Variants in CNTNAP2 observed in about 807,000 individuals in gnomAD.
CNTNAP2 encodes the protein contactin associated protein 2.
CNTNAP2 carries 98 observed loss-of-function variants against 155.2 expected under a neutral mutation model. The ratio of observed to expected loss-of-function variants is 0.63; its 90% confidence interval spans 0.54 to 0.75. The LOEUF is 0.75. CNTNAP2 is among the 30% of genes least tolerant of loss of function. The probability of loss-of-function intolerance (pLI) is 0.00; values close to 1 mark genes in which losing one functional copy is unlikely to be tolerated. For synonymous variants in CNTNAP2, 651 were observed against 631.2 expected, an observed-to-expected ratio of 1.03 and a Z score of -0.47; for missense variants, 1,727 against 1,688.1, an observed-to-expected ratio of 1.02 and a Z score of -0.40.
intron 1 of CNTNAP2, among the ~76,000 whole-genome samples, chr7:146,424,812 T>C (rs966963534): frequency 6.6e-6 from 1 of 152,104 alleles, no homozygotes; most frequent in African/African-American, 2.4e-5. Context: ...AGGGAAGGGC[T>C]CAGAGAGAGT....
chr7:146,874,496 T>C (rs915554115), intron 3 of CNTNAP2, among the ~76,000 whole-genome samples: 2 of 152,066 alleles, frequency 1.3e-5, no homozygotes, highest in African/African-American at 4.8e-5. Flanking sequence ...CCTGCCATCA[T>C]GCCTGGCTAA....
chr7:146,220,821 T>C (rs565158200), intron 1 of CNTNAP2, among the ~76,000 whole-genome samples: 1 of 152,334 alleles, frequency 6.6e-6, no homozygotes, highest in South Asian at 2.1e-4. Context: ...AGTAGATCCA[T>C]CTTCTTGCAG....
intron 1 of CNTNAP2, among the ~76,000 whole-genome samples, chr7:146,309,364 T>A (rs1204792116): frequency 6.6e-6 from 1 of 152,012 alleles, no homozygotes; most frequent in Non-Finnish European, 1.5e-5. Flanking sequence ...AATGAAGCAC[T>A]CTCCAAGCAG....
rs774679618 is a variant in CNTNAP2, at chr7:146,303,071, CATGTGTGT to C, written c.97+186099_97+186106del. On this transcript the variant is annotated intron_variant, in intron 1 of 23. Coordinates refer to ENST00000361727, the MANE Select transcript of CNTNAP2 (RefSeq NM_014141.6). ...GAGAAACTAGGTACACCTTTGTGTG[CATGTGTGT>C]GTGTGTGTGTGTGTGTGTGTGTGTG... 1.1e-3 allele frequency among the ~76,000 whole-genome samples: 142 copies of C among 128,214 alleles called. 1 individual carries two copies. Among genetic ancestry groups the C allele is most frequent in the African/African-American group, 4.6e-3 (122 of 26,686 alleles). The allele number at this position is 128,214 out of a possible 152,430, so 84.1% of individuals were successfully genotyped here.
intron 21 of CNTNAP2, among the ~76,000 whole-genome samples, chr7:148,330,599 A>T: frequency 1.3e-5 from 1 of 79,650 alleles, no homozygotes; most frequent in African/African-American, 4.6e-5. Flanking sequence ...TGGACGGATG[A>T]AGTGGACGGA....
chr7:147,166,388 G>A (rs933395185), intron 8 of CNTNAP2, among the ~76,000 whole-genome samples: 10 of 152,104 alleles, frequency 6.6e-5, no homozygotes, highest in African/African-American at 1.9e-4. Context: ...TGGGGACTCC[G>A]GAGGAAGGAT....
chr7:146,939,909 A>G (rs1054815630), intron 3 of CNTNAP2, among the ~76,000 whole-genome samples: 15 of 152,078 alleles, frequency 9.9e-5, no homozygotes, highest in African/African-American at 3.4e-4. Flanking sequence ...AGTTTTTTAC[A>G]TTTTATTTTT....
chr7:147,747,934 A>G (rs928800822), intron 13 of CNTNAP2, among the ~76,000 whole-genome samples: 4 of 152,224 alleles, frequency 2.6e-5, no homozygotes, highest in Non-Finnish European at 4.4e-5. Context: ...CTTATCTTGC[A>G]CTGTGTGACC....
At chr7:147,656,449 T>G (rs1419597295) in intron 13 of CNTNAP2, among the ~76,000 whole-genome samples, 2 of 152,174 alleles carry the variant, frequency 1.3e-5, no homozygotes, top group Non-Finnish European at 2.9e-5. Context: ...CTCGAATACT[T>G]AGAGGCCATC....
chr7:147,064,135 G>A lies in CNTNAP2; in HGVS notation c.550+20081G>A, dbSNP rs182383601. Among the ~76,000 whole-genome samples, 50 of 152,254 alleles carry A rather than the reference G, an allele frequency of 3.3e-4. 1 individual carries two copies. The highest frequency in any genetic ancestry group is 1.2e-3 in the African/African-American group (48 of 41,566). On this transcript the variant is annotated intron_variant, in intron 4 of 23. Coordinates refer to ENST00000361727, the MANE Select transcript of CNTNAP2 (RefSeq NM_014141.6). ...AAGCCTTTTGAAATGGCATGTTAAAGTAGTATTAAAAGGCTGACTTACCAT... is the reference window on the plus strand; with the variant it reads ...AAGCCTTTTGAAATGGCATGTTAAAATAGTATTAAAAGGCTGACTTACCAT...
intron 1 of CNTNAP2, among the ~76,000 whole-genome samples, chr7:146,683,886 C>T (rs1402618688): frequency 1.3e-5 from 2 of 151,822 alleles, no homozygotes; most frequent in South Asian, 4.2e-4. Flanking sequence ...AGAACTGAGG[C>T]TCTTAATGAC....
At chr7:146,959,772 G>A (rs556763366) in intron 3 of CNTNAP2, among the ~76,000 whole-genome samples, 2 of 151,888 alleles carry the variant, frequency 1.3e-5, no homozygotes, top group South Asian at 4.2e-4. Flanking sequence ...ACATTTCCAG[G>A]CTGATTGTAA....
chr7:148,304,629 G>C (rs1445137638), intron 21 of CNTNAP2, among the ~76,000 whole-genome samples: 2 of 152,024 alleles, frequency 1.3e-5, no homozygotes, highest in Non-Finnish European at 2.9e-5. Flanking sequence ...GGTGTAGCTG[G>C]GTGCTGAAAA....
At chr7:146,374,731 A>C (rs958340072) in intron 1 of CNTNAP2, among the ~76,000 whole-genome samples, 1 of 152,214 alleles carries the variant, frequency 6.6e-6, no homozygotes, top group African/African-American at 2.4e-5. Flanking sequence ...ATCTTTTAAA[A>C]TCTATTTGTG....
intron 1 of CNTNAP2, among the ~76,000 whole-genome samples, chr7:146,539,620 T>A (rs1797921161): frequency 6.6e-6 from 1 of 152,092 alleles, no homozygotes; most frequent in African/African-American, 2.4e-5. Flanking sequence ...GCTGTTTGTT[T>A]TCTTTTAACC....
chr7:148,266,943 C>G (rs777388646), intron 20 of CNTNAP2, 90 bp from the exon 21 acceptor site: 9 of 1,207,282 alleles, frequency 7.5e-6, no homozygotes, highest in Admixed American at 1.7e-5. Context: ...AACCAGGGTT[C>G]AAAGAGTGAT....
intron 15 of CNTNAP2, among the ~76,000 whole-genome samples, chr7:148,060,439 A>T (rs1295442879): frequency 1.3e-5 from 2 of 152,194 alleles, no homozygotes; most frequent in Non-Finnish European, 2.9e-5. Context: ...TTGCAATTCT[A>T]AATTAGCTCT....
At chr7:146,734,712 G>A (rs1212025528) in intron 1 of CNTNAP2, among the ~76,000 whole-genome samples, 2 of 152,170 alleles carry the variant, frequency 1.3e-5, no homozygotes, top group Non-Finnish European at 2.9e-5. Context: ...TATTTGTGAT[G>A]TTACTTGTAC....
intron 18 of CNTNAP2, among the ~76,000 whole-genome samples, chr7:148,185,156 A>AAGCTCCGTGCTCACAACAATCCAGC (rs1286296089): frequency 2.6e-5 from 4 of 152,202 alleles, no homozygotes; most frequent in Non-Finnish European, 5.9e-5. Flanking sequence ...CGTTATCCAG[A>AAGCTCCGTGCTCACAACAATCCAGC]AGCTCCGTGC....
Sources: allele counts gnomAD v4.1 joint callset (sites outside exome capture counted in the v4.1 genomes callset), GRCh38; gene constraint gnomAD v4.1.1; transcripts MANE v1.5; gene names NCBI Gene and HGNC (gene_info 2026-07-23, HGNC 2026-07-21).